PI4K2B: variants seen among roughly 807,000 people sequenced by gnomAD.
The protein encoded by PI4K2B is phosphatidylinositol 4-kinase type 2 beta.
Under a neutral mutation model 56.6 loss-of-function variants are expected in PI4K2B, and 46 were observed. The observed-to-expected ratio is 0.81, with a 90% CI of 0.64 to 1.04. The LOEUF (loss-of-function observed/expected upper bound fraction) is 1.04, where lower values mean the gene tolerates loss of function less well. Among genes scored for constraint, PI4K2B ranks in the 50% least tolerant of loss-of-function variants. The pLI, the probability that PI4K2B is intolerant of heterozygous loss-of-function variation, is 0.00. For synonymous variants in PI4K2B, 211 were observed against 223.8 expected, an observed-to-expected ratio of 0.94 and a Z score of 0.51; for missense variants, 556 against 607.7, an observed-to-expected ratio of 0.91 and a Z score of 0.89.
At chr4:25,265,144 G>A (rs568858001) in intron 7 of PI4K2B, among the ~76,000 whole-genome samples, 4 of 129,046 alleles carry the variant, frequency 3.1e-5, no homozygotes, top group South Asian at 2.5e-4. Flanking sequence ...GCTGTGAGCC[G>A]AGATCGCGCC....
At chr4:25,254,889 T>A (rs1716198030) in intron 2 of PI4K2B, among the ~76,000 whole-genome samples, 176 bp from the exon 3 acceptor site, 1 of 152,176 alleles carries the variant, frequency 6.6e-6, no homozygotes, top group Non-Finnish European at 1.5e-5. Flanking sequence ...AATATGAAAA[T>A]GTGATTGGAA....
chr4:25,264,634 G>A (rs758832444), intron 7 of PI4K2B, among the ~76,000 whole-genome samples: 3 of 152,180 alleles, frequency 2.0e-5, no homozygotes, highest in African/African-American at 4.8e-5. Context: ...CACTTTGGGG[G>A]CTGAGGCTAG....
At chr4:25,247,772 C>T (rs909150742) in intron 1 of PI4K2B, among the ~76,000 whole-genome samples, 4 of 152,108 alleles carry the variant, frequency 2.6e-5, no homozygotes, top group South Asian at 2.1e-4. Flanking sequence ...GGCATGATCA[C>T]GGCTCACTGC....
At chr4:25,271,899 T>C (rs991446668) in intron 9 of PI4K2B, among the ~76,000 whole-genome samples, 1 of 152,176 alleles carries the variant, frequency 6.6e-6, no homozygotes, top group Non-Finnish European at 1.5e-5. Flanking sequence ...TCCCACCATT[T>C]TGAGAGGCAG....
intron 1 of PI4K2B, among the ~76,000 whole-genome samples, chr4:25,242,182 G>C (rs1715553822): frequency 6.6e-6 from 1 of 152,194 alleles, no homozygotes; most frequent in South Asian, 2.1e-4. Flanking sequence ...CTTCGACCTA[G>C]ACACCTTGTA....
rs1490942608 is a variant in PI4K2B, at chr4:25,243,184, G to T, written c.268+8753G>T. 3.3e-5 allele frequency among the ~76,000 whole-genome samples: 5 copies of T among 152,160 alleles called. No individual in the cohort carries two copies. The East Asian group carries it at 7.7e-4, about 23-fold the overall frequency. ...TAAACATACCCAGGGCTCAGTGAGG[G>T]TGATGACATGAGCTGGCGCTTGCCC... On this transcript the variant is annotated intron_variant, in intron 1 of 9. Transcript: ENST00000264864.
chr4:25,264,398 A>G lies in PI4K2B; in HGVS notation c.1078+549A>G, dbSNP rs538128098. 2.8e-4 allele frequency among the ~76,000 whole-genome samples: 42 copies of G among 152,348 alleles called. No individual in the cohort carries two copies. The South Asian group carries it at 8.7e-3, about 32-fold the overall frequency. ...TTAGAATTCTCTTATAATTAAAAAAATTCCCTCTGTGCGTATTGAGTATTT... is the reference window on the plus strand; with the variant it reads ...TTAGAATTCTCTTATAATTAAAAAAGTTCCCTCTGTGCGTATTGAGTATTT... On this transcript the variant is annotated intron_variant, in intron 7 of 9. Coordinates refer to ENST00000264864, the MANE Select transcript of PI4K2B (RefSeq NM_018323.4).
intron 6 of PI4K2B, 147 bp from the exon 7 acceptor site, chr4:25,263,603 G>C (rs1027137370): frequency 2.3e-6 from 1 of 441,160 alleles, no homozygotes; most frequent in Non-Finnish European, 4.1e-6. Context: ...ATTCCTGTGT[G>C]AATTTGTACT....
At position 25,268,589 on chromosome 4, in the gene PI4K2B, T is replaced by A. The variant is rs1479290968; in HGVS notation, c.1212+13T>A. 1 of 1,511,938 alleles carries A rather than the reference T, an allele frequency of 6.6e-7. No homozygotes were observed. The highest frequency in any genetic ancestry group is 9.0e-7 in the Non-Finnish European group (1 of 1,113,614). 93.7% of individuals were successfully genotyped at this position (1,511,938 alleles called of 1,614,324 possible). A position where few individuals can be genotyped will look rare whatever the true frequency, so the allele number is the denominator to read the frequency against. On this transcript the variant is annotated intron_variant, in intron 8 of 9. Transcript: ENST00000264864. ...TGAACTTTTTAAGGTAAGTTAATGC[T>A]TAGTTTGATTATTGCAGAAAATGAA...
chr4:25,243,858 G>T (rs1168993902), intron 1 of PI4K2B, among the ~76,000 whole-genome samples: 1 of 152,144 alleles, frequency 6.6e-6, no homozygotes, highest in East Asian at 1.9e-4. Context: ...CCATGATCTG[G>T]TCAAGGTCCC....
intron 9 of PI4K2B, 39 bp from the exon 10 acceptor site, chr4:25,276,975 A>G: frequency 6.8e-7 from 1 of 1,477,220 alleles, no homozygotes; most frequent in African/African-American, 1.4e-5. Flanking sequence ...GAAGCTTTTT[A>G]TCTTTTTAAA....
At position 25,255,050 on chromosome 4, in the gene PI4K2B, A is replaced by G; in HGVS notation, c.424-15A>G. 1 of 1,568,678 alleles carries G rather than the reference A, an allele frequency of 6.4e-7. No individual in the cohort carries two copies. The highest frequency in any genetic ancestry group is 8.8e-7 in the Non-Finnish European group (1 of 1,140,062). Reference sequence around the variant, plus strand: ...ATGTAAAAAGTCTAATAAGATTTTTACTTTTTTGCTCTAGAAAATTATTGG... The same window carrying G: ...ATGTAAAAAGTCTAATAAGATTTTTGCTTTTTTGCTCTAGAAAATTATTGG... On this transcript the variant is annotated splice_polypyrimidine_tract_variant and intron_variant, in intron 2 of 9. Transcript: ENST00000264864.
intron 1 of PI4K2B, among the ~76,000 whole-genome samples, chr4:25,240,738 C>T (rs188044667): frequency 6.6e-6 from 1 of 152,234 alleles, no homozygotes; most frequent in Admixed American, 6.5e-5. Context: ...ACTTCCATCT[C>T]TCTTTCTTTC....
At chr4:25,276,970 T>C (rs1717123033) in intron 9 of PI4K2B, 44 bp from the exon 10 acceptor site, 7 of 1,474,752 alleles carry the variant, frequency 4.7e-6, no homozygotes, top group Non-Finnish European at 5.4e-6. Flanking sequence ...GAAGTGAAGC[T>C]TTTTATCTTT....
Position 25,260,561 on chromosome 4 carries a change from G to T in PI4K2B, c.948G>T (p.Lys316Asn). ...ATAATTGGTTAGTCAGATACGAAAA[G>T]CAGAAATGTGAAAAGGAAATTGACC... The part of the protein sequence containing the change: ...GNDNWLVRYE[K>N]QKCEKEIDHK... The change falls in exon 6 of 10, where the codon AAG becomes AAT. Residue 316 changes from lysine to asparagine, a missense_variant. By Grantham distance (94) the Lys-to-Asn change is moderately conservative (BLOSUM62 0). Coordinates refer to ENST00000264864, the MANE Select transcript of PI4K2B (RefSeq NM_018323.4). 1 of 1,395,544 alleles carries T rather than the reference G, an allele frequency of 7.2e-7. No homozygotes were observed. The highest frequency in any genetic ancestry group is 9.4e-7 in the Non-Finnish European group (1 of 1,061,418). The allele number at this position is 1,395,544 out of a possible 1,614,324, so 86.4% of individuals were successfully genotyped here.
Position 25,278,594 on chromosome 4 carries a change from A to G in PI4K2B, c.*1407A>G, listed in dbSNP as rs1055426704. The stretch of plus-strand genomic sequence containing the variant: ...GGATTCTGCTGCCCTGAGGGAGTTC[A>G]TTGGAAACCTGCGTTCTCCTACCTC... On this transcript the variant is annotated 3_prime_UTR_variant, in exon 10 of 10. Transcript: ENST00000264864. The G allele has an allele frequency of 1.3e-5, 2 of 152,594 alleles. No homozygotes were observed. The highest frequency in any genetic ancestry group is 2.4e-5 in the African/African-American group (1 of 41,430). The allele number at this position is 152,594 out of a possible 1,614,324, so 9.5% of individuals were successfully genotyped here.
chr4:25,239,759 G>A (rs899975666), intron 1 of PI4K2B, among the ~76,000 whole-genome samples: 5 of 152,250 alleles, frequency 3.3e-5, no homozygotes, highest in Non-Finnish European at 7.3e-5. Context: ...GAGAGTGAGC[G>A]AGGGCTGCAA....
chr4:25,270,078 G>A (rs1716822860), intron 9 of PI4K2B, among the ~76,000 whole-genome samples: 1 of 152,134 alleles, frequency 6.6e-6, no homozygotes, highest in Non-Finnish European at 1.5e-5. Flanking sequence ...CCCCTGCTAT[G>A]AATTGTTTGT....
At chr4:25,249,201 T>A (rs1715925010) in intron 1 of PI4K2B, among the ~76,000 whole-genome samples, 1 of 152,222 alleles carries the variant, frequency 6.6e-6, no homozygotes, top group South Asian at 2.1e-4. Flanking sequence ...GAGTCTCCTA[T>A]GTCTACTTCT....
Sources: gnomAD v4.1 joint callset for allele counts (sites outside exome capture counted in the v4.1 genomes callset) on GRCh38, gnomAD v4.1.1 for gene constraint, MANE v1.5 for transcripts, NCBI Gene and HGNC (gene_info 2026-07-23, HGNC 2026-07-21) for gene names.